Variants in SYT16 observed in about 807,000 individuals in gnomAD.
SYT16 encodes synaptotagmin 16.
Under a neutral mutation model 61.4 loss-of-function variants are expected in SYT16, and 42 were observed. The observed-to-expected ratio is 0.68, with a 90% CI of 0.53 to 0.89. SYT16 has a LOEUF of 0.89. Among genes scored for constraint, SYT16 ranks in the 40% least tolerant of loss-of-function variants. The probability of loss-of-function intolerance (pLI) is 0.00; values close to 1 mark genes in which losing one functional copy is unlikely to be tolerated. For missense variants in SYT16, 804 were observed against 807.3 expected (o/e 1.00, Z 0.05); for synonymous variants, 314 against 302.3 (o/e 1.04, Z -0.40).
chr14:61,875,403 G>A (rs981391996), intron 1 of SYT16, among the ~76,000 whole-genome samples: 11 of 152,138 alleles, frequency 7.2e-5, no homozygotes, highest in South Asian at 2.1e-4. Flanking sequence ...AATAAAGACC[G>A]AAAACTCAAG....
chr14:61,848,103 T>G (rs1341932950), intron 1 of SYT16, among the ~76,000 whole-genome samples: 3 of 152,228 alleles, frequency 2.0e-5, no homozygotes, highest in Non-Finnish European at 4.4e-5. Context: ...CTGTATGGTC[T>G]TCATGCTTGT....
intron 3 of SYT16, among the ~76,000 whole-genome samples, chr14:62,026,123 G>A (rs2054093500): frequency 6.6e-6 from 1 of 152,082 alleles, no homozygotes; most frequent in Non-Finnish European, 1.5e-5. Flanking sequence ...AAAGTTTGGA[G>A]TAGCTCTTTG....
chr14:62,078,089 C>T (rs971616424), intron 5 of SYT16, among the ~76,000 whole-genome samples: 16 of 150,924 alleles, frequency 1.1e-4, no homozygotes, highest in African/African-American at 3.9e-4. Flanking sequence ...TCTTCTCCCC[C>T]TTCATCTTGT....
chr14:61,892,764 G>A (rs2048182588), intron 1 of SYT16, among the ~76,000 whole-genome samples: 1 of 152,142 alleles, frequency 6.6e-6, no homozygotes, highest in African/African-American at 2.4e-5. Flanking sequence ...GGGGAATTGA[G>A]GACTGCATTC....
chr14:62,048,958 C>T (rs377683654), intron 3 of SYT16, among the ~76,000 whole-genome samples: 4 of 152,022 alleles, frequency 2.6e-5, no homozygotes, highest in Non-Finnish European at 5.9e-5. Context: ...TTCTGTTGAT[C>T]TGGGGTGGAG....
At chr14:62,078,172 A>ACACAC (rs2056576554) in intron 5 of SYT16, among the ~76,000 whole-genome samples, 4 of 128,850 alleles carry the variant, frequency 3.1e-5, no homozygotes, top group African/African-American at 6.2e-5. Flanking sequence ...TATATATATA[A>ACACAC]ACACACACAC....
intron 1 of SYT16, among the ~76,000 whole-genome samples, chr14:61,906,825 C>CCATCCATCCATT (rs1300997986): frequency 6.6e-6 from 1 of 151,344 alleles, no homozygotes; most frequent in South Asian, 2.1e-4. Flanking sequence ...ATCCATCCAT[C>CCATCCATCCATT]CATCCCAGTA....
chr14:62,067,094 G>T (rs545433450), intron 3 of SYT16, among the ~76,000 whole-genome samples: 1 of 148,626 alleles, frequency 6.7e-6, no homozygotes. Context: ...ACAGGGAACC[G>T]TGTGTGTGCA....
intron 1 of SYT16, among the ~76,000 whole-genome samples, chr14:61,957,965 A>G (rs1027567927): frequency 3.3e-5 from 5 of 151,898 alleles, no homozygotes; most frequent in African/African-American, 4.8e-5. Flanking sequence ...TATTCCTTCA[A>G]TATCCTAATT....
intron 3 of SYT16, among the ~76,000 whole-genome samples, chr14:62,030,316 A>T (rs2054265208): frequency 6.6e-6 from 1 of 152,154 alleles, no homozygotes; most frequent in Admixed American, 6.5e-5. Context: ...CCGGGAAAAA[A>T]ATTAGTTTTG....
At chr14:61,973,600 C>T (rs577196603) in intron 2 of SYT16, among the ~76,000 whole-genome samples, 71 of 152,172 alleles carry the variant, frequency 4.7e-4, no homozygotes, top group South Asian at 1.2e-3. Context: ...AAAAGAAGCC[C>T]AGCTTTGAGA....
intron 3 of SYT16, among the ~76,000 whole-genome samples, chr14:62,064,153 A>G (rs1215118465): frequency 6.6e-6 from 1 of 152,128 alleles, no homozygotes; most frequent in East Asian, 1.9e-4. Context: ...TGGTATTTAT[A>G]TGATGCTTCA....
chr14:61,931,886 A>G (rs2140427807), intron 1 of SYT16, among the ~76,000 whole-genome samples: 1 of 152,282 alleles, frequency 6.6e-6, no homozygotes, highest in East Asian at 1.9e-4. Context: ...AACTGGGTCA[A>G]AGGCTCTGGA....
chr14:62,067,350 G>T (rs937254420), intron 3 of SYT16, among the ~76,000 whole-genome samples: 1 of 152,098 alleles, frequency 6.6e-6, no homozygotes, highest in East Asian at 1.9e-4. Context: ...TTAAGGGAGG[G>T]TGTTCAGGGA....
chr14:61,834,987 CT>C (rs1441315646), intron 1 of SYT16, among the ~76,000 whole-genome samples: 2 of 152,144 alleles, frequency 1.3e-5, no homozygotes, highest in Non-Finnish European at 2.9e-5. Flanking sequence ...TCATTAAGGT[CT>C]TAAAGAAACT....
intron 2 of SYT16, among the ~76,000 whole-genome samples, chr14:61,986,048 G>A (rs906064943): frequency 2.6e-5 from 4 of 152,072 alleles, no homozygotes; most frequent in Non-Finnish European, 5.9e-5. Context: ...TGGAAGTCCA[G>A]GATATTAAAC....
At chr14:62,079,760 A>G (rs2056640495) in intron 5 of SYT16, among the ~76,000 whole-genome samples, 1 of 152,236 alleles carries the variant, frequency 6.6e-6, no homozygotes, top group African/African-American at 2.4e-5. Context: ...TATTATTGAC[A>G]TTATTTATAA....
At chr14:61,969,607 A>T (rs2051459846) in intron 1 of SYT16, among the ~76,000 whole-genome samples, 1 of 152,206 alleles carries the variant, frequency 6.6e-6, no homozygotes, top group African/African-American at 2.4e-5. Flanking sequence ...GATAACCATG[A>T]TCAAATTGCA....
chr14:61,867,281 G>C (rs1186545980), intron 1 of SYT16, among the ~76,000 whole-genome samples: 1 of 151,866 alleles, frequency 6.6e-6, no homozygotes, highest in African/African-American at 2.4e-5. Flanking sequence ...CATTTTCTGT[G>C]AATAAATTCT....
Sources: gnomAD v4.1 joint callset for allele counts (sites outside exome capture counted in the v4.1 genomes callset) on GRCh38, gnomAD v4.1.1 for gene constraint, MANE v1.5 for transcripts, NCBI Gene and HGNC (gene_info 2026-07-23, HGNC 2026-07-21) for gene names.